The following ANKS3 variants were observed in gnomAD, a reference collection of about 807,000 sequenced individuals.
ANKS3 encodes the protein ankyrin repeat and SAM domain-containing protein 3.
Under a neutral mutation model 80.7 loss-of-function variants are expected in ANKS3, and 62 were observed. The observed-to-expected ratio is 0.77, with a 90% CI of 0.63 to 0.95. The LOEUF is 0.95. Among genes scored for constraint, ANKS3 ranks in the 40% least tolerant of loss-of-function variants. The pLI, the probability that ANKS3 is intolerant of heterozygous loss-of-function variation, is 0.00. For missense variants in ANKS3, 1,150 were observed against 883.6 expected (o/e 1.30, Z -3.82); for synonymous variants, 489 against 355.3 (o/e 1.38, Z -4.23).
intron 9 of ANKS3, 84 bp downstream of exon 9, chr16:4,702,018 G>A (rs201970088): frequency 6.9e-7 from 1 of 1,453,934 alleles, no homozygotes; most frequent in Non-Finnish European, 9.1e-7. Context: ...TCCAGCGCCA[G>A]GCCCAGGGGA....
chr16:4,720,461 C>CAAAA (rs113815312), intron 6 of ANKS3, among the ~76,000 whole-genome samples: 3 of 131,342 alleles, frequency 2.3e-5, no homozygotes, highest in Non-Finnish European at 1.7e-5. Flanking sequence ...GACTCCATCT[C>CAAAA]AAAAAAAAAA....
chr16:4,699,168 G>A lies in ANKS3; in HGVS notation c.1293C>T (p.Ala431=), dbSNP rs200458576. ...RAPYSGPQDL[A]ALLEQIGCLK... ...GACACCCGATCTGCTCCAGCAGTGCGGCAAGGTCCTGGCAGGCACAGGGGA... is the reference window on the plus strand; with the variant it reads ...GACACCCGATCTGCTCCAGCAGTGCAGCAAGGTCCTGGCAGGCACAGGGGA... Residue 431 remains alanine, a synonymous_variant, in exon 12 of 18, where the codon GCC becomes GCT. Transcript: ENST00000304283. 2.7e-5 allele frequency: 44 copies of A among 1,613,994 alleles called. No individual in the cohort carries two copies. The highest frequency in any genetic ancestry group is 1.6e-4 in the Middle Eastern group (1 of 6,062).
rs998284204 is a variant in ANKS3, at chr16:4,698,534, C to T, written c.1617G>A (p.Val539=). 1 of 1,576,008 alleles carries T rather than the reference C, an allele frequency of 6.3e-7. No homozygotes were observed. The highest frequency in any genetic ancestry group is 8.6e-7 in the Non-Finnish European group (1 of 1,169,016). The part of the protein sequence containing the change: ...VCQEQELRAV[V]ESCLLEQDRA... ...GGTCCTGCTCCAGCAGGCAGCTCTC[C>T]ACCACGGCGCGCAGCTCCTGCTCCT... Residue 539 remains valine (V), a synonymous_variant, in exon 14 of 18, where the codon GTG becomes GTA. Transcript: ENST00000304283.
intron 5 of ANKS3, among the ~76,000 whole-genome samples, chr16:4,725,916 C>A (rs961077497): frequency 3.0e-4 from 45 of 151,698 alleles, no homozygotes; most frequent in African/African-American, 9.9e-4. Flanking sequence ...CCTTGGCCTC[C>A]CAGAGTGCTA....
At position 4,702,164 on chromosome 16, in the gene ANKS3, C is replaced by T. The variant is rs762837134; in HGVS notation, c.947G>A (p.Arg316Gln). 5.0e-6 allele frequency: 8 copies of T among 1,592,842 alleles called. No homozygotes were observed. In the Admixed American group the frequency reaches 7.1e-5, roughly 14 times the overall value. Reference sequence around the variant, plus strand: ...CTCATTGATGGGGGAGGTGACATCCCGGCAGCAGAGGCCCTCTTCTTCCAG... The same window carrying T: ...CTCATTGATGGGGGAGGTGACATCCTGGCAGCAGAGGCCCTCTTCTTCCAG... Reference protein sequence around the residue: ...NPLEEEGLCCRDVTSPINERD... With the variant: ...NPLEEEGLCCQDVTSPINERD... The change falls in exon 9 of 18, where the codon CGG becomes CAG. Residue 316 changes from arginine (R) to glutamine (Q), a missense_variant. By Grantham distance (43) the Arg-to-Gln change is conservative. Coordinates refer to ENST00000304283, the MANE Select transcript of ANKS3 (RefSeq NM_133450.4).
chr16:4,715,055 C>T (rs543824346), intron 6 of ANKS3, among the ~76,000 whole-genome samples: 7 of 146,496 alleles, frequency 4.8e-5, no homozygotes, highest in Non-Finnish European at 8.9e-5. Context: ...TGAAAACCTA[C>T]CTAGAGAAAA....
rs140848684 is a variant in ANKS3, at chr16:4,706,202, A to G, written c.710-949T>C. ...TTACCACTGTGCCCGGCTGGAAACA[A>G]CTTATTAAGCAATTCTGTATTTTCT... On this transcript the variant is annotated intron_variant, in intron 7 of 17. Coordinates refer to ENST00000304283, the MANE Select transcript of ANKS3 (RefSeq NM_133450.4). Among the ~76,000 whole-genome samples the G allele has an allele frequency of 2.5e-3, 379 of 151,982 alleles. 2 individuals are homozygous for G. Among genetic ancestry groups the G allele is most frequent in the African/African-American group, 8.7e-3 (362 of 41,476 alleles).
chr16:4,726,020 G>A (rs1391925892), intron 5 of ANKS3, among the ~76,000 whole-genome samples: 2 of 149,044 alleles, frequency 1.3e-5, no homozygotes, highest in African/African-American at 2.5e-5. Context: ...CTGTCACCCA[G>A]GCTGGAGTGC....
chr16:4,734,217 G>C lies in ANKS3; in HGVS notation c.-350C>G. 5.9e-6 allele frequency: 1 copy of C among 168,938 alleles called. No homozygotes were observed. The highest frequency in any genetic ancestry group is 1.2e-5 in the Non-Finnish European group (1 of 83,462). The allele number at this position is 168,938 out of a possible 1,614,324, so 10.5% of individuals were successfully genotyped here. A position where few individuals can be genotyped will look rare whatever the true frequency, so the allele number is the denominator to read the frequency against. ...TGCCGTCGCCAACCCCCCCCAAACA[G>C]CTCGCCGCCACGCTCCCTCGCCGGG... On this transcript the variant is annotated 5_prime_UTR_variant, in exon 1 of 18. Coordinates refer to ENST00000304283, the MANE Select transcript of ANKS3 (RefSeq NM_133450.4).
In ANKS3 at chr16:4,697,970, C is replaced by A. The variant is rs201092686; in HGVS notation, c.1810+7G>T. On this transcript the variant is annotated splice_region_variant and intron_variant, in intron 15 of 17. Transcript: ENST00000304283. ...TGCCCAGTGCGGAGTCAGGCCACTG[C>A]TCTTACCAGCTGGGGGGACGGCTAG... 2.0e-4 allele frequency: 315 copies of A among 1,580,428 alleles called. 1 individual carries two copies. The African/African-American group carries it at 3.9e-3, about 20-fold the overall frequency.
intron 7 of ANKS3, among the ~76,000 whole-genome samples, chr16:4,711,624 A>G (rs2142078166): frequency 6.6e-6 from 1 of 151,086 alleles, no homozygotes; most frequent in South Asian, 2.1e-4. Flanking sequence ...ACGCTGAGGC[A>G]GGAGAATCAC....
At chr16:4,701,565 G>C (rs756991571) in intron 9 of ANKS3, 22 bp from the exon 10 acceptor site, 2 of 1,592,392 alleles carry the variant, frequency 1.3e-6, no homozygotes, top group South Asian at 2.2e-5. Flanking sequence ...AAGACAGGGC[G>C]TCCGCCTGCA....
rs1296235642 is a variant in ANKS3 at position 4,724,732 on chromosome 16, A to C, written c.573+18T>G. 2 of 1,609,718 alleles carry C rather than the reference A, an allele frequency of 1.2e-6. No individual in the cohort carries two copies. The highest frequency in any genetic ancestry group is 1.7e-6 in the Non-Finnish European group (2 of 1,176,764). The stretch of plus-strand genomic sequence containing the variant: ...TTTGCCGTGACTACATTACATGCTA[A>C]TAATCAGGGTCACTTACGTGATTCA... On this transcript the variant is annotated intron_variant, in intron 6 of 17. Transcript: ENST00000304283.
intron 6 of ANKS3, 162 bp from the exon 7 acceptor site, chr16:4,714,348 C>G: frequency 9.4e-7 from 1 of 1,066,934 alleles, no homozygotes; most frequent in Non-Finnish European, 1.3e-6. Context: ...TTGTCTGCAC[C>G]GCAGCCACAA....
Position 4,734,063 on chromosome 16 carries a change from G to A in ANKS3, c.-196C>T, listed in dbSNP as rs1010895276. On this transcript the variant is annotated 5_prime_UTR_variant, in exon 1 of 18. Transcript: ENST00000304283. ...TGGGGGCTCGGTCCTCCAGTCACGCGGCGAGCAAGTGCAGCGCGGGACGCC... is the reference window on the plus strand; with the variant it reads ...TGGGGGCTCGGTCCTCCAGTCACGCAGCGAGCAAGTGCAGCGCGGGACGCC... The A allele has an allele frequency of 5.1e-6, 5 of 976,730 alleles. No individual in the cohort carries two copies. The highest frequency in any genetic ancestry group is 6.1e-6 in the Non-Finnish European group (5 of 821,942). The allele number at this position is 976,730 out of a possible 1,614,324, so 60.5% of individuals were successfully genotyped here.
chr16:4,712,905 A>G (rs1035023629), intron 7 of ANKS3, among the ~76,000 whole-genome samples: 4 of 152,174 alleles, frequency 2.6e-5, no homozygotes, highest in African/African-American at 9.7e-5. Flanking sequence ...GTACACCTGT[A>G]AAGCCCTAAA....
chr16:4,713,727 T>C (rs2142086896), intron 7 of ANKS3, among the ~76,000 whole-genome samples: 1 of 152,286 alleles, frequency 6.6e-6, no homozygotes, highest in African/African-American at 2.4e-5. Context: ...TTCAAGTTCA[T>C]ATAGAAGAAT....
Position 4,697,957 on chromosome 16 carries a change from A to C in ANKS3, c.1810+20T>G, listed in dbSNP as rs2079666110. On this transcript the variant is annotated intron_variant, in intron 15 of 17. Coordinates refer to ENST00000304283, the MANE Select transcript of ANKS3 (RefSeq NM_133450.4). Reference sequence around the variant, plus strand: ...CCACCTTCCCCTCTGCCCAGTGCGGAGTCAGGCCACTGCTCTTACCAGCTG... The same window carrying C: ...CCACCTTCCCCTCTGCCCAGTGCGGCGTCAGGCCACTGCTCTTACCAGCTG... The C allele has an allele frequency of 6.4e-7, 1 of 1,559,058 alleles. No individual in the cohort carries two copies. Among genetic ancestry groups the C allele is most frequent in the Non-Finnish European group, 8.7e-7 (1 of 1,153,860 alleles).
chr16:4,713,997 A>G, intron 7 of ANKS3, 54 bp downstream of exon 7: 1 of 1,596,260 alleles, frequency 6.3e-7, no homozygotes, highest in Non-Finnish European at 8.5e-7. Flanking sequence ...CAGGTCACCT[A>G]AAGCTCAAGG....
Sources: gnomAD v4.1 joint callset for allele counts (sites outside exome capture counted in the v4.1 genomes callset) on GRCh38, gnomAD v4.1.1 for gene constraint, MANE v1.5 for transcripts, NCBI Gene and HGNC (gene_info 2026-07-23, HGNC 2026-07-21) for gene names.